Variants in WDPCP observed in about 807,000 individuals in gnomAD.
The protein encoded by WDPCP is WD repeat-containing and planar cell polarity effector protein fritz homolog.
In WDPCP, 71 loss-of-function variants were observed where a neutral mutation model predicts 93.1. The observed-to-expected ratio is 0.76, with a 90% CI of 0.63 to 0.93. WDPCP has a LOEUF of 0.93. WDPCP is among the 40% of genes least tolerant of loss of function. The pLI, the probability that WDPCP is intolerant of heterozygous loss-of-function variation, is 0.00. For missense variants in WDPCP, 844 were observed against 887.4 expected, an observed-to-expected ratio of 0.95 and a Z score of 0.62; for synonymous variants, 315 against 315.0, an observed-to-expected ratio of 1.00 and a Z score of 0.00.
intron 12 of WDPCP, among the ~76,000 whole-genome samples, chr2:63,316,944 A>C (rs1686689063): frequency 6.6e-6 from 1 of 152,222 alleles, no homozygotes; most frequent in South Asian, 2.1e-4. Flanking sequence ...TTCCATTCAC[A>C]ATAGCCACAA....
chr2:63,573,001 C>T (rs1228351112), intron 1 of WDPCP, among the ~76,000 whole-genome samples: 1 of 152,042 alleles, frequency 6.6e-6, no homozygotes, highest in East Asian at 1.9e-4. Flanking sequence ...AATCCCAGCA[C>T]TTTTGGAGGC....
chr2:63,824,560 A>G (rs893963198), intron 1 of WDPCP, among the ~76,000 whole-genome samples: 1 of 149,448 alleles, frequency 6.7e-6, no homozygotes, highest in Non-Finnish European at 1.5e-5. Context: ...AAAAAAAAAA[A>G]AAACAGGAAA....
chr2:63,542,182 T>C (rs1319286655), intron 1 of WDPCP, among the ~76,000 whole-genome samples: 1 of 152,178 alleles, frequency 6.6e-6, no homozygotes, highest in Non-Finnish European at 1.5e-5. Context: ...ATGTATTACC[T>C]AAATGAAACT....
chr2:63,248,791 C>T (rs936355383), intron 14 of WDPCP, among the ~76,000 whole-genome samples: 6 of 152,042 alleles, frequency 3.9e-5, no homozygotes, highest in Non-Finnish European at 8.8e-5. Context: ...TCTGCCTACT[C>T]AAACCTTGAA....
intron 2 of WDPCP, among the ~76,000 whole-genome samples, chr2:63,695,376 T>C (rs1025097959): frequency 6.6e-6 from 1 of 152,218 alleles, no homozygotes; most frequent in Non-Finnish European, 1.5e-5. Context: ...TTAGAGTTGC[T>C]AGATCAAATC....
At chr2:63,439,378 T>C (rs1697349351) in intron 7 of WDPCP, among the ~76,000 whole-genome samples, 1 of 152,108 alleles carries the variant, frequency 6.6e-6, no homozygotes, top group African/African-American at 2.4e-5. Context: ...AATTGTGTAC[T>C]GGTGGTTGTG....
intron 17 of WDPCP, among the ~76,000 whole-genome samples, chr2:63,122,782 T>A (rs1167108151): frequency 6.6e-6 from 1 of 151,968 alleles, no homozygotes; most frequent in Non-Finnish European, 1.5e-5. Context: ...GTAAAGAGAG[T>A]AGGGATAACA....
intron 2 of WDPCP, among the ~76,000 whole-genome samples, chr2:63,652,847 C>T (rs1710123309): frequency 6.6e-6 from 1 of 152,114 alleles, no homozygotes; most frequent in African/African-American, 2.4e-5. Flanking sequence ...TGGATGGATG[C>T]AATCCCAGAT....
intron 2 of WDPCP, chr2:63,717,196 C>G (rs1298128203): frequency 6.3e-6 from 3 of 472,620 alleles, no homozygotes; most frequent in Admixed American, 2.5e-5. Context: ...TGCTGTCCAG[C>G]ATGCCAGTGC....
intron 6 of WDPCP, among the ~76,000 whole-genome samples, chr2:63,446,044 C>T (rs1697839169): frequency 6.6e-6 from 1 of 152,162 alleles, no homozygotes; most frequent in Non-Finnish European, 1.5e-5. Context: ...ATCCTATATA[C>T]TCCTTCACCA....
At chr2:63,422,723 C>T (rs1321635994) in intron 9 of WDPCP, among the ~76,000 whole-genome samples, 7 of 152,132 alleles carry the variant, frequency 4.6e-5, no homozygotes, top group Non-Finnish European at 5.9e-5. Flanking sequence ...TGCCTCCTGA[C>T]GAAAGACACA....
intron 2 of WDPCP, among the ~76,000 whole-genome samples, chr2:63,707,285 T>A (rs957617340): frequency 5.9e-5 from 9 of 152,348 alleles, no homozygotes; most frequent in Non-Finnish European, 1.2e-4. Flanking sequence ...AGATTTGGTC[T>A]TTTCACATAG....
At chr2:63,387,214 C>T (rs182157013) in intron 10 of WDPCP, among the ~76,000 whole-genome samples, 2 of 152,026 alleles carry the variant, frequency 1.3e-5, no homozygotes, top group African/African-American at 2.4e-5. Flanking sequence ...CCTTGATACA[C>T]GTAGATGTAA....
intron 12 of WDPCP, among the ~76,000 whole-genome samples, chr2:63,339,818 A>G (rs1299795130): frequency 1.3e-5 from 2 of 152,096 alleles, no homozygotes; most frequent in African/African-American, 4.8e-5. Flanking sequence ...GTATGATTTT[A>G]GCTGTGGGTT....
At chr2:63,329,818 G>A (rs1026137244) in intron 12 of WDPCP, among the ~76,000 whole-genome samples, 1 of 151,770 alleles carries the variant, frequency 6.6e-6, no homozygotes. Context: ...ACTTTTTTTT[G>A]ATTACACATG....
chr2:63,299,569 T>C (rs1433567095), intron 13 of WDPCP, among the ~76,000 whole-genome samples: 1 of 152,188 alleles, frequency 6.6e-6, no homozygotes, highest in Non-Finnish European at 1.5e-5. Context: ...AGGCTTCACA[T>C]TTGGCCAGTC....
At chr2:63,217,204 G>C (rs1677432083) in intron 14 of WDPCP, among the ~76,000 whole-genome samples, 1 of 152,134 alleles carries the variant, frequency 6.6e-6, no homozygotes, top group Non-Finnish European at 1.5e-5. Flanking sequence ...AATTTTCTGA[G>C]ATCTGTCAAT....
At chr2:63,317,528 T>C (rs1392138130) in intron 12 of WDPCP, among the ~76,000 whole-genome samples, 1 of 151,684 alleles carries the variant, frequency 6.6e-6, no homozygotes, top group Admixed American at 6.6e-5. Flanking sequence ...AAAGCTACAG[T>C]AAACTAAGCA....
At chr2:63,609,934 C>G (rs530731195) in intron 3 of WDPCP, among the ~76,000 whole-genome samples, 1 of 152,260 alleles carries the variant, frequency 6.6e-6, no homozygotes, top group South Asian at 2.1e-4. Flanking sequence ...TTGGAGAGAT[C>G]TAGATTACTT....
Sources: allele counts gnomAD v4.1 joint callset (sites outside exome capture counted in the v4.1 genomes callset), GRCh38; gene constraint gnomAD v4.1.1; transcripts MANE v1.5; gene names NCBI Gene and HGNC (gene_info 2026-07-23, HGNC 2026-07-21).